Variants in EXOSC10 observed in about 807,000 individuals in gnomAD.
EXOSC10 encodes the protein exosome complex component 10.
Under a neutral mutation model 126.6 loss-of-function variants are expected in EXOSC10, and 94 were observed. That is an observed-to-expected ratio of 0.74 (90% CI 0.63 to 0.88). EXOSC10 has a LOEUF of 0.88. Ranked by LOEUF, EXOSC10 falls within the 40% of genes least tolerant of loss-of-function variation. The probability of loss-of-function intolerance (pLI) is 0.00; values close to 1 mark genes in which losing one functional copy is unlikely to be tolerated. For missense variants in EXOSC10, 1,041 were observed against 1,100.5 expected (o/e 0.95, Z 0.77); for synonymous variants, 395 against 400.8 (o/e 0.99, Z 0.17).
chr1:11,071,532 T>C, intron 20 of EXOSC10: 1 of 165,226 alleles, frequency 6.1e-6, no homozygotes, highest in Admixed American at 5.7e-5. Flanking sequence ...CTCCTATCCC[T>C]TCCTGGACTC....
In EXOSC10 at chr1:11,087,874, T is replaced by C. The variant is rs1401716129; in HGVS notation, c.871A>G (p.Ile291Val). The C allele has an allele frequency of 1.3e-5, 21 of 1,613,238 alleles. No individual in the cohort carries two copies. In the Admixed American group the frequency reaches 3.5e-4, roughly 27 times the overall value. Residue 291 changes from isoleucine to valine, a missense_variant, in exon 8 of 25, where the codon ATA becomes GTA. By Grantham distance (29) the Ile-to-Val change is conservative (BLOSUM62 3). Transcript: ENST00000376936. ...TCCACGAGTTCATCCAGGGAGGATATGAAATGGCATGGTGTCTCTTCTATA... is the reference window on the plus strand; with the variant it reads ...TCCACGAGTTCATCCAGGGAGGATACGAAATGGCATGGTGTCTCTTCTATA... ...RPIEETPCHFISSLDELVELN... is the reference protein window; with the variant it reads ...RPIEETPCHFVSSLDELVELN...
intron 21 of EXOSC10, 38 bp downstream of exon 21, chr1:11,070,862 C>T (rs758860978): frequency 1.7e-5 from 27 of 1,579,720 alleles, no homozygotes; most frequent in Non-Finnish European, 2.3e-5. Context: ...GCAGGGGCAT[C>T]GTTTTTCAAA....
In EXOSC10 at chr1:11,069,700, C is replaced by T. The variant is rs1188033395; in HGVS notation, c.2347G>A (p.Ala783Thr). The T allele has an allele frequency of 2.5e-6, 4 of 1,600,356 alleles. No homozygotes were observed. Among genetic ancestry groups the T allele is most frequent in the Non-Finnish European group, 3.4e-6 (4 of 1,173,072 alleles). ...TCTGTGGTCCTTGGGTCGCTTGTTG[C>T]TCGCTCTCTCTTCTTTGCAGCATTT... Reference protein sequence around the residue: ...LENAAKKRERATSDPRTTEQK... With the variant: ...LENAAKKRERTTSDPRTTEQK... The change falls in exon 22 of 25, where the codon GCA (alanine) becomes ACA (threonine). Residue 783 changes from alanine to threonine, a missense_variant. By Grantham distance (58) the Ala-to-Thr change is moderately conservative (BLOSUM62 0). Around this residue, in one of 3 missense-constraint regions of EXOSC10, gnomAD observed 388 missense variants for 415.2 expected, o/e 0.93. Coordinates refer to ENST00000376936, the MANE Select transcript of EXOSC10 (RefSeq NM_001001998.3).
rs1639383186 is a variant in EXOSC10, at chr1:11,070,257, A to G, written c.2317-527T>C. On this transcript the variant is annotated intron_variant, in intron 21 of 24. Transcript: ENST00000376936. ...GACCATGTCACTATTTTTTTTTTAA[A>G]AGGAAATTAAAAAAAAAAAAAAAAA... 5.3e-5 allele frequency among the ~76,000 whole-genome samples: 6 copies of G among 113,064 alleles called. No individual in the cohort carries two copies. In the South Asian group the frequency reaches 2.5e-3, roughly 46 times the overall value. The allele number at this position is 113,064 out of a possible 152,430, so 74.2% of individuals were successfully genotyped here.
At chr1:11,075,157 C>G (rs1315888986) in intron 17 of EXOSC10, among the ~76,000 whole-genome samples, 1 of 152,048 alleles carries the variant, frequency 6.6e-6, no homozygotes, top group African/African-American at 2.4e-5. Flanking sequence ...CTCAGCCTCA[C>G]GAGTAGCTGG....
Position 11,099,735 on chromosome 1 carries a change from C to A in EXOSC10, c.97G>T (p.Asp33Tyr), listed in dbSNP as rs767272630. ...CGCGAACTCACCTTCACAAAGCTGT[C>A]GGCGTCCGGGAAGCCTGGCAGCACC... is the stretch of plus-strand genomic sequence containing the variant. ...EMVLPGFPDA[D>Y]SFVKFALGSV... Residue 33 changes from aspartate (D) to tyrosine (Y), a missense_variant, in exon 1 of 25, where the codon GAC (aspartate) becomes TAC (tyrosine). Physicochemically the swap from Asp to Tyr is radical, Grantham distance 160. This residue lies in a region of EXOSC10 where 645 missense variants were observed against 656.3 expected (regional missense o/e 0.98). Transcript: ENST00000376936. 1.4e-5 allele frequency: 23 copies of A among 1,609,056 alleles called. No homozygotes were observed. The highest frequency in any genetic ancestry group is 3.3e-4 in the Middle Eastern group (2 of 6,046).
At chr1:11,097,154 G>A (rs1477848255) in intron 2 of EXOSC10, among the ~76,000 whole-genome samples, 3 of 151,756 alleles carry the variant, frequency 2.0e-5, no homozygotes, top group Admixed American at 6.6e-5. Flanking sequence ...AGGTTGCTGC[G>A]AGCCGAGATC....
intron 14 of EXOSC10, among the ~76,000 whole-genome samples, chr1:11,078,796 A>C (rs559535698): frequency 6.6e-6 from 1 of 152,272 alleles, no homozygotes; most frequent in South Asian, 2.1e-4. Context: ...ACTCCACCAC[A>C]TTAACTGCCT....
rs2100977873 is a variant in EXOSC10, at chr1:11,079,946, C to A, written c.1638-124G>T. The A allele has an allele frequency of 6.6e-6, 5 of 756,134 alleles. No homozygotes were observed. In the East Asian group the frequency reaches 1.4e-4, roughly 21 times the overall value. The allele number at this position is 756,134 out of a possible 1,614,324, so 46.8% of individuals were successfully genotyped here. A position where few individuals can be genotyped will look rare whatever the true frequency, so the allele number is the denominator to read the frequency against. ...CTAAGCTGAAGCTACAGGTAGGTGA[C>A]TAAGGAAACACTGATGTCAGGCCAG... On this transcript the variant is annotated intron_variant, in intron 13 of 24. Coordinates refer to ENST00000376936, the MANE Select transcript of EXOSC10 (RefSeq NM_001001998.3).
chr1:11,087,044 A>G (rs1266841128), intron 9 of EXOSC10, among the ~76,000 whole-genome samples: 5 of 152,232 alleles, frequency 3.3e-5, no homozygotes, highest in Non-Finnish European at 2.9e-5. Context: ...GGTTTTTTGA[A>G]AGGATATATG....
Position 11,072,115 on chromosome 1 carries a change from A to T in EXOSC10, c.2214T>A (p.Ala738=), listed in dbSNP as rs1639538307. The T allele has an allele frequency of 6.2e-7, 1 of 1,613,952 alleles. No individual in the cohort carries two copies. Among genetic ancestry groups the T allele is most frequent in the African/African-American group, 1.3e-5 (1 of 75,036 alleles). The change falls in exon 20 of 25, where the codon GCT becomes GCA. Residue 738 remains alanine (A), a synonymous_variant. Coordinates refer to ENST00000376936, the MANE Select transcript of EXOSC10 (RefSeq NM_001001998.3). ...TTTGCTCAGCTGCCTTCTTCTTGAC[A>T]GCTTCTTTAGAGTCTTTTTGTACTT... is the stretch of plus-strand genomic sequence containing the variant. ...QVQVQKDSKE[A]VKKKAAEQTA...
intron 3 of EXOSC10, among the ~76,000 whole-genome samples, chr1:11,094,332 A>ATGCCCAGGC (rs1640953650): frequency 6.8e-6 from 1 of 147,092 alleles, no homozygotes. Context: ...CTCACTCTTG[A>ATGCCCAGGC]TGCCCAGGCT....
chr1:11,087,664 A>C (rs1640569523), intron 8 of EXOSC10, 73 bp from the exon 9 acceptor site: 1 of 1,569,858 alleles, frequency 6.4e-7, no homozygotes, highest in Non-Finnish European at 8.7e-7. Flanking sequence ...TGATTTTGAA[A>C]AGTCAGCTAC....
In EXOSC10 at chr1:11,095,860, G is replaced by A. The variant is rs367729429; in HGVS notation, c.270C>T (p.Tyr90=). 6 of 1,613,860 alleles carry A rather than the reference G, an allele frequency of 3.7e-6. No homozygotes were observed. The African/African-American group carries it at 6.7e-5, about 18-fold the overall frequency. ...LLQCMSRVMQ[Y]HGCRSNIKDR... ...CCTTAATGTTGCTGCGACACCCATG[G>A]TACTGCATTACTCTGCTCATGCTAA... Residue 90 remains tyrosine (Y), a synonymous_variant, in exon 3 of 25, where the codon TAC becomes TAT. Transcript: ENST00000376936.
chr1:11,088,335 A>G (rs1640615691), intron 6 of EXOSC10, 137 bp from the exon 7 acceptor site: 1 of 582,942 alleles, frequency 1.7e-6, no homozygotes, highest in Non-Finnish European at 2.9e-6. Context: ...CAAAGAGCTT[A>G]TTTCAGTAAT....
Position 11,088,029 on chromosome 1 carries a change from C to T in EXOSC10, c.834+94G>A, listed in dbSNP as rs527807865. 3,186 of 1,302,568 alleles carry T rather than the reference C, an allele frequency of 2.4e-3. 11 individuals are homozygous for T. Among genetic ancestry groups the T allele is most frequent in the Non-Finnish European group, 3.1e-3 (2,866 of 913,856 alleles). The allele number at this position is 1,302,568 out of a possible 1,614,324, so 80.7% of individuals were successfully genotyped here. A position where few individuals can be genotyped will look rare whatever the true frequency, so the allele number is the denominator to read the frequency against. ...AACTGTAACTTTCTCCCTTAAAGAT[C>T]TTCAAGGAAAGTCAAAATTGCATCA... On this transcript the variant is annotated intron_variant, in intron 7 of 24. Coordinates refer to ENST00000376936, the MANE Select transcript of EXOSC10 (RefSeq NM_001001998.3).
chr1:11,096,467 C>CTTTTT (rs1273630166), intron 2 of EXOSC10, among the ~76,000 whole-genome samples: 2 of 129,776 alleles, frequency 1.5e-5, no homozygotes, highest in South Asian at 2.5e-4. Context: ...TTCTTTCTTT[C>CTTTTT]TTTCTTTTTT....
intron 2 of EXOSC10, among the ~76,000 whole-genome samples, chr1:11,096,451 T>TTTTCTTTC (rs1159378250): frequency 8.1e-5 from 12 of 147,432 alleles, no homozygotes; most frequent in African/African-American, 3.0e-4. Context: ...AGCCCAGCCT[T>TTTTCTTTC]TTTCTTTCTT....
At position 11,091,535 on chromosome 1, in the gene EXOSC10, G is replaced by A. The variant is rs774422291; in HGVS notation, c.435C>T (p.Gly145=). 6 of 1,614,084 alleles carry A rather than the reference G, an allele frequency of 3.7e-6. No individual in the cohort carries two copies. The change falls in exon 4 of 25, where the codon GGC becomes GGT. Residue 145 remains glycine, a synonymous_variant. Transcript: ENST00000376936. ...ACACTACCGTTTTGGGGACCTGCAA[G>A]CCGGCAGGGAGGACAGGCTGTTGAT... ...NKNQQPVLPA[G]LQVPKTVVSS...
Sources: allele counts gnomAD v4.1 joint callset (sites outside exome capture counted in the v4.1 genomes callset), GRCh38; gene constraint gnomAD v4.1.1; regional missense constraint gnomAD v4.1.1; transcripts MANE v1.5; gene names NCBI Gene and HGNC (gene_info 2026-07-23, HGNC 2026-07-21).